STRN: variants seen among roughly 807,000 people sequenced by gnomAD.
STRN encodes the protein protein phosphatase 2 regulatory subunit B'''alpha.
A neutral mutation model predicts 96.3 loss-of-function variants in STRN; 53 were observed. That is an observed-to-expected ratio of 0.55 (90% CI 0.44 to 0.69). The LOEUF is 0.69. Among genes scored for constraint, STRN ranks in the 30% least tolerant of loss-of-function variants. The pLI is 0.00. For synonymous variants in STRN, 428 were observed against 355.9 expected (o/e 1.20, Z -2.28); for missense variants, 987 against 963.9 (o/e 1.02, Z -0.32).
rs1187767133 is a variant in STRN at position 36,905,703 on chromosome 2, T to A, written c.413-85A>T. 3.4e-6 allele frequency: 4 copies of A among 1,167,576 alleles called. No individual in the cohort carries two copies. In the East Asian group the frequency reaches 7.0e-5, roughly 21 times the overall value. The allele number at this position is 1,167,576 out of a possible 1,614,324, so 72.3% of individuals were successfully genotyped here. On this transcript the variant is annotated intron_variant, in intron 3 of 17. Coordinates refer to ENST00000263918, the MANE Select transcript of STRN (RefSeq NM_003162.4). Reference sequence around the variant, plus strand: ...TTCATTAATAACGTCCAATAAACATTTATAAGATTAAGAATATGTAAAACT... The same window carrying A: ...TTCATTAATAACGTCCAATAAACATATATAAGATTAAGAATATGTAAAACT...
At position 36,849,520 on chromosome 2, in the gene STRN, A is replaced by G; in HGVS notation, c.2279T>C (p.Phe760Ser). 2 of 1,614,210 alleles carry G rather than the reference A, an allele frequency of 1.2e-6. No homozygotes were observed. The highest frequency in any genetic ancestry group is 1.7e-6 in the Non-Finnish European group (2 of 1,180,014). ...KFEESIHDVAFHPSKCYIASA... is the reference protein window; with the variant it reads ...KFEESIHDVASHPSKCYIASA... ...GGCTATATAGCATTTGGATGGGTGGAAAGCTACATCATGAATCGATTCTTC... is the reference window on the plus strand; with the variant it reads ...GGCTATATAGCATTTGGATGGGTGGGAAGCTACATCATGAATCGATTCTTC... The change falls in exon 18 of 18, where the codon TTC becomes TCC. Residue 760 changes from phenylalanine (F) to serine (S), a missense_variant. By Grantham distance (155) the Phe-to-Ser change is radical. Coordinates refer to ENST00000263918, the MANE Select transcript of STRN (RefSeq NM_003162.4).
chr2:36,868,642 T>G (rs934389696), intron 11 of STRN, among the ~76,000 whole-genome samples: 5 of 152,216 alleles, frequency 3.3e-5, no homozygotes, highest in African/African-American at 1.2e-4. Context: ...GTCCATCTGG[T>G]TTTAGCAACA....
intron 7 of STRN, among the ~76,000 whole-genome samples, chr2:36,890,014 G>A (rs542571530): frequency 1.1e-4 from 17 of 152,258 alleles, no homozygotes; most frequent in Non-Finnish European, 1.8e-4. Context: ...AGCTGTCCTC[G>A]GAGAAAAACC....
At chr2:36,886,688 A>C in intron 8 of STRN, 28 bp downstream of exon 8, 7 of 1,555,628 alleles carry the variant, frequency 4.5e-6, no homozygotes, top group Non-Finnish European at 6.1e-6. Context: ...AAGATTTATG[A>C]TTTACAGATA....
intron 13 of STRN, 94 bp from the exon 14 acceptor site, chr2:36,858,117 T>C (rs1668393432): frequency 1.1e-6 from 1 of 935,058 alleles, no homozygotes; most frequent in East Asian, 2.7e-5. Flanking sequence ...CAATAGCACC[T>C]GATAACAGTA....
At chr2:36,897,847 G>A (rs534076370) in intron 6 of STRN, among the ~76,000 whole-genome samples, 2 of 152,054 alleles carry the variant, frequency 1.3e-5, no homozygotes, top group South Asian at 2.1e-4. Context: ...TATCACACAT[G>A]GCTAATTAAA....
Position 36,925,153 on chromosome 2 carries a change from T to A in STRN, c.290A>T (p.Asp97Val). 7 of 1,613,946 alleles carry A rather than the reference T, an allele frequency of 4.3e-6. No individual in the cohort carries two copies. Among genetic ancestry groups the A allele is most frequent in the Non-Finnish European group, 5.9e-6 (7 of 1,179,850 alleles). Reference protein sequence around the residue: ...ERKGQENLKKDLVRRIKMLEY... With the variant: ...ERKGQENLKKVLVRRIKMLEY... ...CAACATTTTGATCCTCCTCACAAGATCCTTCTTCAAATTTTCTTGGCCCTT... is the reference window on the plus strand; with the variant it reads ...CAACATTTTGATCCTCCTCACAAGAACCTTCTTCAAATTTTCTTGGCCCTT... Residue 97 changes from aspartate (D) to valine (V), a missense_variant, in exon 2 of 18, where the codon GAT becomes GTT. By Grantham distance (152) the Asp-to-Val change is radical (BLOSUM62 -3). Coordinates refer to ENST00000263918, the MANE Select transcript of STRN (RefSeq NM_003162.4).
rs1189878084 is a variant in STRN, at chr2:36,851,063, T to G, written c.2023A>C (p.Thr675Pro). ...CQINRVISHP[T>P]LPISITAHED... ...TGAGCAGTGATGCTGATCGGAAGAGTAGGATGACTGATGACTCTATTTATT... is the reference window on the plus strand; with the variant it reads ...TGAGCAGTGATGCTGATCGGAAGAGGAGGATGACTGATGACTCTATTTATT... The change falls in exon 16 of 18, where the codon ACT becomes CCT. Residue 675 changes from threonine (T) to proline (P), a missense_variant. Transcript: ENST00000263918. 1 of 1,613,190 alleles carries G rather than the reference T, an allele frequency of 6.2e-7. No individual in the cohort carries two copies. Among genetic ancestry groups the G allele is most frequent in the East Asian group, 2.2e-5 (1 of 44,830 alleles).
intron 1 of STRN, among the ~76,000 whole-genome samples, chr2:36,954,434 C>G (rs924539397): frequency 6.6e-6 from 1 of 150,690 alleles, no homozygotes; most frequent in African/African-American, 2.4e-5. Context: ...ATTGTTTGAA[C>G]CCAGTAGGCA....
chr2:36,898,721 T>C (rs1457101954), intron 6 of STRN, among the ~76,000 whole-genome samples: 1 of 152,234 alleles, frequency 6.6e-6, no homozygotes, highest in Non-Finnish European at 1.5e-5. Context: ...CCAAGTCTTT[T>C]AGTTAGAGGT....
At chr2:36,881,492 T>C (rs571114944) in intron 9 of STRN, among the ~76,000 whole-genome samples, 1 of 152,288 alleles carries the variant, frequency 6.6e-6, no homozygotes, top group East Asian at 1.9e-4. Context: ...ACACACAGCA[T>C]ATGAACATTC....
rs1413122089 is a variant in STRN at position 36,846,441 on chromosome 2, A to C, written c.*3015T>G. 7 of 129,360 alleles carry C rather than the reference A, an allele frequency of 5.4e-5. No homozygotes were observed. The highest frequency in any genetic ancestry group is 9.6e-5 in the Non-Finnish European group (6 of 62,318). The allele number at this position is 129,360 out of a possible 1,614,324, so 8.0% of individuals were successfully genotyped here. A position where few individuals can be genotyped will look rare whatever the true frequency, so the allele number is the denominator to read the frequency against. ...TATATATATATATAGTTTATATATT[A>C]TATATATTCTTACAATATATATAAT... On this transcript the variant is annotated 3_prime_UTR_variant, in exon 18 of 18. Transcript: ENST00000263918.
chr2:36,916,178 C>G (rs770266581), intron 2 of STRN, 27 bp from the exon 3 acceptor site: 9 of 1,574,076 alleles, frequency 5.7e-6, no homozygotes, highest in Non-Finnish European at 7.9e-6. Flanking sequence ...AAAATACAGA[C>G]CATCTTAAAA....
At chr2:36,906,773 C>CA in intron 3 of STRN, among the ~76,000 whole-genome samples, 2 of 151,784 alleles carry the variant, frequency 1.3e-5, no homozygotes, top group Non-Finnish European at 2.9e-5. Flanking sequence ...ACTAAAAATA[C>CA]AAAAATTAGT....
At chr2:36,957,630 C>G (rs192479992) in intron 1 of STRN, among the ~76,000 whole-genome samples, 182 of 151,402 alleles carry the variant, frequency 1.2e-3, no homozygotes, top group Non-Finnish European at 2.0e-3. Flanking sequence ...GGTAATAACT[C>G]TAGACATCTA....
intron 3 of STRN, among the ~76,000 whole-genome samples, chr2:36,906,956 G>A (rs1343137433): frequency 1.3e-5 from 2 of 149,414 alleles, no homozygotes; most frequent in Non-Finnish European, 3.0e-5. Flanking sequence ...AAACCCTCAA[G>A]TATTCTTTTA....
At chr2:36,872,202 G>A (rs768664662) in intron 10 of STRN, among the ~76,000 whole-genome samples, 4 of 152,216 alleles carry the variant, frequency 2.6e-5, no homozygotes, top group Non-Finnish European at 5.9e-5. Context: ...GTGATAACAA[G>A]TTGTAACATC....
chr2:36,878,014 T>C lies in STRN; in HGVS notation c.1200A>G (p.Thr400=), dbSNP rs372003929. Residue 400 remains threonine, a synonymous_variant, in exon 10 of 18, where the codon ACA becomes ACG. Transcript: ENST00000263918. ...ATGACTTTCCAGAAGAAGGAGGAAA[T>C]GTCAATGCTTCCACTGAAGAGGGAA... ...INRADEVEAL[T]FPPSSGKSFI... is the part of the protein sequence containing the mutation. 1.5e-5 allele frequency: 25 copies of C among 1,614,054 alleles called. No homozygotes were observed. The South Asian group carries it at 2.6e-4, about 17-fold the overall frequency.
chr2:36,857,653 C>T (rs1288115847), intron 14 of STRN, among the ~76,000 whole-genome samples: 1 of 151,856 alleles, frequency 6.6e-6, no homozygotes, highest in Admixed American at 6.6e-5. Context: ...GAGTGATACT[C>T]CGTCTCAAAA....
Sources: gnomAD v4.1 joint callset for allele counts (sites outside exome capture counted in the v4.1 genomes callset) on GRCh38, gnomAD v4.1.1 for gene constraint, MANE v1.5 for transcripts, NCBI Gene and HGNC (gene_info 2026-07-23, HGNC 2026-07-21) for gene names.